Variants in TMC1 observed in about 807,000 individuals in gnomAD.
TMC1 encodes the protein transmembrane channel-like protein 1.
A neutral mutation model predicts 105.8 loss-of-function variants in TMC1; 84 were observed. The observed-to-expected ratio is 0.79, with a 90% CI of 0.67 to 0.95. The LOEUF (loss-of-function observed/expected upper bound fraction) is 0.95, where lower values mean the gene tolerates loss of function less well. Ranked by LOEUF, TMC1 falls within the 40% of genes least tolerant of loss-of-function variation. TMC1 has a pLI of 0.00. For missense variants in TMC1, 817 were observed against 914.1 expected (o/e 0.89, Z 1.37); for synonymous variants, 315 against 311.5 (o/e 1.01, Z -0.12).
At chr9:72,683,733 TTATATATATATATATATATATATA>T (rs58007608) in intron 5 of TMC1, among the ~76,000 whole-genome samples, 21 of 53,396 alleles carry the variant, frequency 3.9e-4, no homozygotes, top group African/African-American at 8.0e-4. Context: ...GTTACACATT[TTATATATATATATATATATATATA>T]TATATATATA....
At chr9:72,754,753 A>C in intron 11 of TMC1, 33 bp from the exon 12 acceptor site, 2 of 1,534,872 alleles carry the variant, frequency 1.3e-6, no homozygotes, top group Admixed American at 3.3e-5. Context: ...TTTGTTTCTA[A>C]TTGTTCACTG....
At chr9:72,727,947 C>G (rs1296816538) in intron 8 of TMC1, among the ~76,000 whole-genome samples, 1 of 151,992 alleles carries the variant, frequency 6.6e-6, no homozygotes, top group Admixed American at 6.6e-5. Flanking sequence ...TATAAAGTTA[C>G]CATTATAAAA....
At chr9:72,812,188 A>C (rs1324636658) in intron 18 of TMC1, among the ~76,000 whole-genome samples, 1 of 152,226 alleles carries the variant, frequency 6.6e-6, no homozygotes, top group Non-Finnish European at 1.5e-5. Context: ...CAAAGTGCTC[A>C]TAGGCTTAGG....
intron 2 of TMC1, among the ~76,000 whole-genome samples, chr9:72,613,658 G>C (rs1825073418): frequency 1.3e-5 from 2 of 152,108 alleles, no homozygotes; most frequent in South Asian, 2.1e-4. Flanking sequence ...TGTGAGAATG[G>C]TATGAGTGTG....
chr9:72,774,509 G>A (rs1827978419), intron 13 of TMC1, among the ~76,000 whole-genome samples: 1 of 152,098 alleles, frequency 6.6e-6, no homozygotes. Context: ...CACTCTGTTG[G>A]GTAGAGTGGC....
intron 12 of TMC1, among the ~76,000 whole-genome samples, chr9:72,771,566 T>G (rs1827926897): frequency 6.6e-6 from 1 of 152,126 alleles, no homozygotes; most frequent in Non-Finnish European, 1.5e-5. Context: ...TATTGACAAG[T>G]GATTATCTTC....
At position 72,538,157 on chromosome 9, in the gene TMC1, A is replaced by G. The variant is rs79971612; in HGVS notation, c.-428+16244A>G. 0.023 allele frequency among the ~76,000 whole-genome samples: 579 copies of G among 24,724 alleles called. 6 individuals carry two copies. In the African/African-American group the frequency reaches 0.26, roughly 11 times the overall value. 16.2% of individuals were successfully genotyped at this position (24,724 alleles called of 152,430 possible). A position where few individuals can be genotyped will look rare whatever the true frequency, so the allele number is the denominator to read the frequency against. ...GGTGACAGAGCCAGACCCTGTCTGA[A>G]AAAAAAAAAAAAAAAAGTGAAAGTC... is the stretch of plus-strand genomic sequence containing the variant. On this transcript the variant is annotated intron_variant, in intron 1 of 23. Coordinates refer to ENST00000297784, the MANE Select transcript of TMC1 (RefSeq NM_138691.3).
intron 1 of TMC1, among the ~76,000 whole-genome samples, chr9:72,529,363 C>G (rs1823459183): frequency 1.3e-5 from 2 of 152,038 alleles, no homozygotes; most frequent in African/African-American, 2.4e-5. Flanking sequence ...GAGATGGGCC[C>G]AGGAGTTTGA....
At chr9:72,685,143 T>G (rs1304821081) in intron 5 of TMC1, among the ~76,000 whole-genome samples, 36 of 144,104 alleles carry the variant, frequency 2.5e-4, no homozygotes, top group Admixed American at 1.1e-3. Flanking sequence ...GTCTTGCTCT[T>G]TCGCCCAGGC....
intron 1 of TMC1, among the ~76,000 whole-genome samples, chr9:72,540,624 C>T (rs577684500): frequency 1.3e-5 from 2 of 152,286 alleles, no homozygotes; most frequent in Admixed American, 6.5e-5. Context: ...TCTGTCTCTG[C>T]GTCGCGTGTT....
chr9:72,575,563 G>A (rs991703029), intron 1 of TMC1, among the ~76,000 whole-genome samples: 3 of 152,096 alleles, frequency 2.0e-5, no homozygotes, highest in African/African-American at 7.2e-5. Flanking sequence ...GACAACATTC[G>A]GAGCTTCCCA....
At chr9:72,755,989 G>A (rs1827670952) in intron 12 of TMC1, among the ~76,000 whole-genome samples, 1 of 152,130 alleles carries the variant, frequency 6.6e-6, no homozygotes, top group South Asian at 2.1e-4. Context: ...ATAGAGCCTT[G>A]AAGTAAGAAC....
chr9:72,742,391 T>A, intron 9 of TMC1, 53 bp from the exon 10 acceptor site: 1 of 1,428,006 alleles, frequency 7.0e-7, no homozygotes, highest in Non-Finnish European at 9.9e-7. Context: ...GGGATAAACA[T>A]CTTGACAAAT....
intron 1 of TMC1, among the ~76,000 whole-genome samples, chr9:72,534,358 T>C (rs1043940047): frequency 6.6e-6 from 1 of 152,058 alleles, no homozygotes; most frequent in Admixed American, 6.6e-5. Context: ...CAACCTTTAA[T>C]TATGTAGATG....
intron 5 of TMC1, chr9:72,656,115 G>A (rs1309729907): frequency 1.3e-4 from 86 of 666,728 alleles, no homozygotes; most frequent in Non-Finnish European, 1.7e-4. Context: ...TTACATTGCA[G>A]CTTGTTAGAG....
At chr9:72,538,182 C>G (rs1333932979) in intron 1 of TMC1, among the ~76,000 whole-genome samples, 1 of 146,286 alleles carries the variant, frequency 6.8e-6, no homozygotes, top group African/African-American at 2.5e-5. Flanking sequence ...AAGTGAAAGT[C>G]AAGGTTCTTG....
intron 1 of TMC1, among the ~76,000 whole-genome samples, chr9:72,540,900 A>G (rs1823663567): frequency 6.6e-6 from 1 of 152,138 alleles, no homozygotes; most frequent in Non-Finnish European, 1.5e-5. Flanking sequence ...CCTCATAGGG[A>G]TGTTGTGAAG....
chr9:72,523,986 A>T (rs1823360427), intron 1 of TMC1, among the ~76,000 whole-genome samples: 1 of 152,204 alleles, frequency 6.6e-6, no homozygotes, highest in South Asian at 2.1e-4. Flanking sequence ...TTCATAGCCC[A>T]AGGTCAGTCT....
intron 5 of TMC1, among the ~76,000 whole-genome samples, chr9:72,680,578 G>A (rs1826270127): frequency 6.6e-6 from 1 of 151,934 alleles, no homozygotes; most frequent in Non-Finnish European, 1.5e-5. Flanking sequence ...TTACTATTTT[G>A]TCAGGAAGAT....
Sources: gnomAD v4.1 joint callset for allele counts (sites outside exome capture counted in the v4.1 genomes callset) on GRCh38, gnomAD v4.1.1 for gene constraint, MANE v1.5 for transcripts, NCBI Gene and HGNC (gene_info 2026-07-23, HGNC 2026-07-21) for gene names.